ASXL3: variants seen among roughly 807,000 people sequenced by gnomAD.
ASXL3 encodes the protein putative Polycomb group protein ASXL3.
A neutral mutation model predicts 170.6 loss-of-function variants in ASXL3; 34 were observed. The observed-to-expected ratio is 0.20, with a 90% confidence interval of 0.15 to 0.27. The LOEUF (loss-of-function observed/expected upper bound fraction) is 0.27. ASXL3 is among the 10% of genes least tolerant of loss of function. The pLI is 1.00. For missense variants in ASXL3, 2,592 were observed against 2,695.3 expected (o/e 0.96, Z 0.85); for synonymous variants, 1,002 against 989.1 (o/e 1.01, Z -0.24).
intron 1 of ASXL3, among the ~76,000 whole-genome samples, chr18:33,595,479 A>G (rs1399417990): frequency 6.6e-6 from 1 of 152,210 alleles, no homozygotes; most frequent in African/African-American, 2.4e-5. Context: ...CTCAATAATT[A>G]GTATAATGAA....
chr18:33,610,641 A>G (rs2065322051), intron 2 of ASXL3, among the ~76,000 whole-genome samples: 1 of 151,960 alleles, frequency 6.6e-6, no homozygotes, highest in Non-Finnish European at 1.5e-5. Context: ...CCTTAAGGGC[A>G]GGGTACCTAA....
chr18:33,652,946 A>C (rs142704121), intron 4 of ASXL3, among the ~76,000 whole-genome samples: 1 of 152,068 alleles, frequency 6.6e-6, no homozygotes, highest in Admixed American at 6.6e-5. Flanking sequence ...TGGGGCATAC[A>C]TTTAAAAGGT....
chr18:33,734,815 G>A (rs927175366), intron 10 of ASXL3, among the ~76,000 whole-genome samples: 1 of 152,098 alleles, frequency 6.6e-6, no homozygotes, highest in South Asian at 2.1e-4. Context: ...TGTGTCTAAT[G>A]CATTTTAATC....
At chr18:33,715,413 G>T (rs903659795) in intron 8 of ASXL3, among the ~76,000 whole-genome samples, 3 of 152,124 alleles carry the variant, frequency 2.0e-5, no homozygotes, top group Non-Finnish European at 4.4e-5. Context: ...TACACATTCT[G>T]CCCCATATTA....
chr18:33,667,107 C>G (rs2066269469), intron 5 of ASXL3, among the ~76,000 whole-genome samples: 1 of 152,040 alleles, frequency 6.6e-6, no homozygotes, highest in African/African-American at 2.4e-5. Flanking sequence ...CAGAGGCCTC[C>G]CAGCAAAAGC....
At chr18:33,676,482 G>C (rs990817181) in intron 7 of ASXL3, among the ~76,000 whole-genome samples, 1 of 152,108 alleles carries the variant, frequency 6.6e-6, no homozygotes, top group African/African-American at 2.4e-5. Context: ...AAAATGGTAT[G>C]TATTTCTCTG....
chr18:33,611,977 G>C (rs1384696695), intron 2 of ASXL3, among the ~76,000 whole-genome samples: 1 of 151,868 alleles, frequency 6.6e-6, no homozygotes, highest in East Asian at 1.9e-4. Flanking sequence ...CATATCCAGG[G>C]GCTGCAAGGT....
At chr18:33,685,291 G>A (rs934939031) in intron 8 of ASXL3, among the ~76,000 whole-genome samples, 2 of 152,250 alleles carry the variant, frequency 1.3e-5, no homozygotes, top group African/African-American at 2.4e-5. Context: ...AAATGCAGCC[G>A]TCATCATCCT....
At chr18:33,595,036 A>G (rs950038090) in intron 1 of ASXL3, among the ~76,000 whole-genome samples, 4 of 152,172 alleles carry the variant, frequency 2.6e-5, no homozygotes, top group African/African-American at 4.8e-5. Flanking sequence ...GCTTAAGTCT[A>G]CTGGTCTGTA....
Position 33,738,840 on chromosome 18 carries a change from A to C in ASXL3, c.1436A>C (p.Glu479Ala). 1 of 1,613,666 alleles carries C rather than the reference A, an allele frequency of 6.2e-7. No individual in the cohort carries two copies. Among genetic ancestry groups the C allele is most frequent in the Non-Finnish European group, 8.5e-7 (1 of 1,179,848 alleles). The change falls in exon 11 of 12, where the codon GAG becomes GCG. Residue 479 changes from glutamate to alanine, a missense_variant. Glu to Ala is a moderately radical substitution (Grantham distance 107, BLOSUM62 -1). This residue lies in a region of ASXL3 where 2,246 missense variants were observed against 2,219.6 expected (regional missense o/e 1.01). Transcript: ENST00000269197. ...AAGACAATACCTGAATTTTCTGAGG[A>C]GGCTGAAAGTCTAACCAATTCTCAT... ...NHKTIPEFSE[E>A]AESLTNSHEE...
Position 33,739,662 on chromosome 18 carries a change from C to T in ASXL3, c.2258C>T (p.Ser753Phe). 6.2e-7 allele frequency: 1 copy of T among 1,613,898 alleles called. No individual in the cohort carries two copies. Among genetic ancestry groups the T allele is most frequent in the Non-Finnish European group, 8.5e-7 (1 of 1,179,862 alleles). The change falls in exon 11 of 12, where the codon TCT becomes TTT. Residue 753 changes from serine to phenylalanine, a missense_variant. Ser to Phe is a radical substitution (Grantham distance 155). Transcript: ENST00000269197. ...AGTTTGCCACTTCCTTCAGAAACAT[C>T]TCCAATTTCCAACTCTTCCATAAAT... Reference protein sequence around the residue: ...VSSLPLPSETSPISNSSINER... With the variant: ...VSSLPLPSETFPISNSSINER...
rs2066224450 is a variant in ASXL3, at chr18:33,664,431, GCTGCTTATGTTCAGTACCAGCCCATA to G, written c.477+2698_477+2723del. Among the ~76,000 whole-genome samples the G allele has an allele frequency of 2.6e-5, 4 of 152,194 alleles. 1 individual carries two copies. In the South Asian group the frequency reaches 8.3e-4, roughly 32 times the overall value. ...TTAAAAATAGCATTTCTGAACACAGGCTGCTTATGTTCAGTACCAGCCCATACTGATAACACACACTCAAATATATG... is the reference window on the plus strand; with the variant it reads ...TTAAAAATAGCATTTCTGAACACAGGCTGATAACACACACTCAAATATATG... On this transcript the variant is annotated intron_variant, in intron 5 of 11. Transcript: ENST00000269197.
intron 1 of ASXL3, 192 bp downstream of exon 1, chr18:33,578,877 G>A (rs2064969337): frequency 1.3e-5 from 3 of 233,624 alleles, no homozygotes; most frequent in Non-Finnish European, 2.3e-5. Flanking sequence ...CGCGCGGAGG[G>A]GCGCAGCGAT....
chr18:33,743,585 C>T lies in ASXL3; in HGVS notation c.3737C>T (p.Ser1246Leu), dbSNP rs552703360. The T allele has an allele frequency of 2.7e-5, 43 of 1,613,176 alleles. No homozygotes were observed. The highest frequency in any genetic ancestry group is 6.7e-5 in the East Asian group (3 of 44,884). The change falls in exon 12 of 12, where the codon TCG becomes TTG. Residue 1246 changes from serine (S) to leucine (L), a missense_variant. Ser to Leu is a moderately radical substitution (Grantham distance 145). Around this residue, in one of 4 missense-constraint regions of ASXL3, gnomAD observed 2,246 missense variants for 2,219.6 expected, o/e 1.01. Transcript: ENST00000269197. ...GTATCTGTTTGCAGCACTGCTATAT[C>T]GGGAGCAATTAAAGAACATCCCTTT... is the stretch of plus-strand genomic sequence containing the variant. ...VPVSVCSTAI[S>L]GAIKEHPFVS...
At chr18:33,606,782 A>G (rs1293040836) in intron 1 of ASXL3, among the ~76,000 whole-genome samples, 1 of 152,016 alleles carries the variant, frequency 6.6e-6, no homozygotes, top group Non-Finnish European at 1.5e-5. Flanking sequence ...CCTGTAGTTC[A>G]TGTTGGTGCA....
At chr18:33,718,104 T>G (rs940189757) in intron 8 of ASXL3, among the ~76,000 whole-genome samples, 2 of 152,082 alleles carry the variant, frequency 1.3e-5, no homozygotes. Flanking sequence ...AGTAGAGGCA[T>G]CAAATACAAC....
At chr18:33,680,677 A>G (rs1487520859) in intron 7 of ASXL3, among the ~76,000 whole-genome samples, 1 of 152,058 alleles carries the variant, frequency 6.6e-6, no homozygotes, top group Non-Finnish European at 1.5e-5. Flanking sequence ...CCAGTAAATT[A>G]TTCCTTATAC....
At chr18:33,603,513 A>T (rs1011188954) in intron 1 of ASXL3, among the ~76,000 whole-genome samples, 1 of 151,918 alleles carries the variant, frequency 6.6e-6, no homozygotes, top group Non-Finnish European at 1.5e-5. Flanking sequence ...ATGAATGTAT[A>T]TGTCTTTGAG....
intron 1 of ASXL3, among the ~76,000 whole-genome samples, chr18:33,590,807 A>T (rs2065070861): frequency 6.6e-6 from 1 of 152,146 alleles, no homozygotes; most frequent in Admixed American, 6.5e-5. Flanking sequence ...TAGTTTCTTT[A>T]TGGTTATATA....
Sources: allele counts gnomAD v4.1 joint callset (sites outside exome capture counted in the v4.1 genomes callset), GRCh38; gene constraint gnomAD v4.1.1; regional missense constraint gnomAD v4.1.1; transcripts MANE v1.5; gene names NCBI Gene and HGNC (gene_info 2026-07-23, HGNC 2026-07-21).